Variants in SNED1 observed in about 807,000 individuals in gnomAD.
The protein encoded by SNED1 is sushi, nidogen and EGF like domains 1, also known as sushi, nidogen and EGF-like domain-containing protein 1.
In SNED1, 81 loss-of-function variants were observed where a neutral mutation model predicts 166.7. That is an observed-to-expected ratio of 0.49 (90% CI 0.41 to 0.58). The LOEUF (loss-of-function observed/expected upper bound fraction) is 0.58. Among genes scored for constraint, SNED1 ranks in the 20% least tolerant of loss-of-function variants. The probability of loss-of-function intolerance (pLI) is 0.00; values close to 1 mark genes in which losing one functional copy is unlikely to be tolerated. For synonymous variants in SNED1, 762 were observed against 822.0 expected (o/e 0.93, Z 1.25); for missense variants, 1,604 against 2,000.2 (o/e 0.80, Z 3.78).
chr2:240,998,265 G>A (rs370764501), upstream of SNED1, among the ~76,000 whole-genome samples: 4 of 152,260 alleles, frequency 2.6e-5, no homozygotes, highest in East Asian at 5.8e-4. Flanking sequence ...CACGGAACGG[G>A]TTCATTCAGG....
intron 29 of SNED1, among the ~76,000 whole-genome samples, chr2:241,084,444 G>A (rs2063483930): frequency 6.6e-6 from 1 of 152,080 alleles, no homozygotes; most frequent in Admixed American, 6.6e-5. Context: ...GTGAGTGACT[G>A]TGCCCGGCCA....
chr2:241,079,648 TAAAAAC>T (rs904055379), intron 27 of SNED1, among the ~76,000 whole-genome samples: 20 of 152,112 alleles, frequency 1.3e-4, no homozygotes, highest in Admixed American at 1.0e-3. Flanking sequence ...AAAAAGGTTT[TAAAAAC>T]AATAAAAAGA....
chr2:241,007,409 A>G (rs2060250693), intron 1 of SNED1, among the ~76,000 whole-genome samples: 1 of 152,134 alleles, frequency 6.6e-6, no homozygotes. Flanking sequence ...CCTTGATTGC[A>G]CCCTTGCTCT....
chr2:241,002,303 A>G (rs2060100217), intron 1 of SNED1, among the ~76,000 whole-genome samples: 1 of 152,084 alleles, frequency 6.6e-6, no homozygotes, highest in South Asian at 2.1e-4. Context: ...TGGATCTGGG[A>G]GCAGACATGT....
intron 1 of SNED1, among the ~76,000 whole-genome samples, chr2:241,012,737 CGTGT>C (rs1051383278): frequency 6.6e-6 from 1 of 152,034 alleles, no homozygotes; most frequent in African/African-American, 2.4e-5. Context: ...ACCCAGTTAC[CGTGT>C]GTGTGCACGT....
At chr2:241,047,689 AGGCCCCT>A (rs1251255824) in intron 8 of SNED1, among the ~76,000 whole-genome samples, 2 of 152,240 alleles carry the variant, frequency 1.3e-5, no homozygotes, top group Non-Finnish European at 2.9e-5. Flanking sequence ...AAACGTTTGG[AGGCCCCT>A]GGCCCCTGGG....
At position 241,051,892 on chromosome 2, in the gene SNED1, G is replaced by A; in HGVS notation, c.1852+32G>A. The A allele has an allele frequency of 6.6e-7, 1 of 1,512,366 alleles. No homozygotes were observed. The highest frequency in any genetic ancestry group is 8.9e-7 in the Non-Finnish European group (1 of 1,122,548). 93.7% of individuals were successfully genotyped at this position (1,512,366 alleles called of 1,614,324 possible). A position where few individuals can be genotyped will look rare whatever the true frequency, so the allele number is the denominator to read the frequency against. ...CCCCCAGGGGCAGGGGGGAGGGCAG[G>A]AACGACGGGCCAGCCCTGAGCTGGG... On this transcript the variant is annotated intron_variant, in intron 13 of 31. Coordinates refer to ENST00000310397, the MANE Select transcript of SNED1 (RefSeq NM_001080437.3). This position sits in a 1 kb window ranked among gnomAD's most constrained non-coding sequence, Gnocchi z 4.7.
chr2:241,088,423 C>T (rs758780251), intron 31 of SNED1, 21 bp downstream of exon 31: 2 of 1,600,758 alleles, frequency 1.2e-6, no homozygotes, highest in South Asian at 1.1e-5. Context: ...GCTGCTCCCG[C>T]CCCACTACCA....
chr2:241,014,499 C>T (rs2060516332), intron 1 of SNED1, among the ~76,000 whole-genome samples: 1 of 152,144 alleles, frequency 6.6e-6, no homozygotes, highest in South Asian at 2.1e-4. Flanking sequence ...CCATGGTCTC[C>T]TTTTCTTTTC....
chr2:241,000,045 C>G (rs2060031454), intron 1 of SNED1, among the ~76,000 whole-genome samples: 1 of 152,116 alleles, frequency 6.6e-6, no homozygotes, highest in Non-Finnish European at 1.5e-5. Context: ...TCTGTGCTGC[C>G]CGGAGTAACA....
In SNED1 at chr2:241,062,909, G is replaced by A; in HGVS notation, c.2371+5G>A. 6.4e-7 allele frequency: 1 copy of A among 1,574,598 alleles called. No individual in the cohort carries two copies. The highest frequency in any genetic ancestry group is 8.6e-7 in the Non-Finnish European group (1 of 1,157,076). ...AGGGCGCCCACTGTGAGCTGGGTAA[G>A]AGGGGCCCTGGCCCCGCTGGGGTGA... On this transcript the variant is annotated splice_donor_5th_base_variant and intron_variant, in intron 17 of 31. Coordinates refer to ENST00000310397, the MANE Select transcript of SNED1 (RefSeq NM_001080437.3).
At chr2:241,021,650 G>C (rs539556098) in intron 1 of SNED1, among the ~76,000 whole-genome samples, 27 of 152,208 alleles carry the variant, frequency 1.8e-4, no homozygotes, top group African/African-American at 6.5e-4. Context: ...TATTTTATTT[G>C]TTTTTATGTA....
chr2:241,060,600 C>T (rs1442912466), intron 16 of SNED1, among the ~76,000 whole-genome samples: 2 of 151,948 alleles, frequency 1.3e-5, no homozygotes, highest in East Asian at 1.9e-4. Flanking sequence ...ATTTTTCATA[C>T]ACTGGAATTA....
In SNED1 at chr2:241,093,847, A is replaced by G. The variant is rs191231247; in HGVS notation, c.*2211A>G. 1 of 152,592 alleles carries G rather than the reference A, an allele frequency of 6.6e-6. No individual in the cohort carries two copies. Among genetic ancestry groups the G allele is most frequent in the East Asian group, 1.9e-4 (1 of 5,190 alleles). The allele number at this position is 152,592 out of a possible 1,614,324, so 9.5% of individuals were successfully genotyped here. ...CCTTGAAAATACTCAAAGTCCACCCAAGGAAATTAGTAATAATAGAATCAG... is the reference window on the plus strand; with the variant it reads ...CCTTGAAAATACTCAAAGTCCACCCGAGGAAATTAGTAATAATAGAATCAG... On this transcript the variant is annotated 3_prime_UTR_variant, in exon 32 of 32. Coordinates refer to ENST00000310397, the MANE Select transcript of SNED1 (RefSeq NM_001080437.3).
chr2:241,057,518 A>T (rs936181409), intron 16 of SNED1, among the ~76,000 whole-genome samples: 8 of 150,888 alleles, frequency 5.3e-5, no homozygotes, highest in African/African-American at 2.0e-4. Context: ...CCCCAACTCT[A>T]CAAAAAACTT....
At chr2:241,037,122 C>A in intron 5 of SNED1, 118 bp from the exon 6 acceptor site, 1 of 1,043,092 alleles carries the variant, frequency 9.6e-7, no homozygotes. Context: ...CAGTTGCTGC[C>A]CTCTCTGAGC....
At position 240,998,972 on chromosome 2, in the gene SNED1, G is replaced by T; in HGVS notation, c.135G>T (p.Lys45Asn). Reference protein sequence around the residue: ...GAERGDAVTPKQDDGGSGLRP... With the variant: ...GAERGDAVTPNQDDGGSGLRP... Reference sequence around the variant, plus strand: ...AGCGCGGCGACGCCGTCACCCCCAAGCAGGACGACGGCGGCTCGGGGCTGC... The same window carrying T: ...AGCGCGGCGACGCCGTCACCCCCAATCAGGACGACGGCGGCTCGGGGCTGC... The change falls in exon 1 of 32, where the codon AAG becomes AAT. Residue 45 changes from lysine (K) to asparagine (N), a missense_variant. This residue lies in a region of SNED1 where 1,237 missense variants were observed against 1,620.8 expected (regional missense o/e 0.76). Transcript: ENST00000310397. 7.5e-7 allele frequency: 1 copy of T among 1,325,182 alleles called. No individual in the cohort carries two copies. The highest frequency in any genetic ancestry group is 9.7e-7 in the Non-Finnish European group (1 of 1,034,676). The allele number at this position is 1,325,182 out of a possible 1,614,324, so 82.1% of individuals were successfully genotyped here.
In SNED1 at chr2:241,034,709, G is replaced by T. The variant is rs770242741; in HGVS notation, c.784G>T (p.Val262Leu). The T allele has an allele frequency of 1.3e-6, 2 of 1,580,574 alleles. No homozygotes were observed. Among genetic ancestry groups the T allele is most frequent in the Non-Finnish European group, 1.7e-6 (2 of 1,163,962 alleles). Residue 262 changes from valine (V) to leucine (L), a missense_variant, in exon 4 of 32, where the codon GTG (valine) becomes TTG (leucine). Coordinates refer to ENST00000310397, the MANE Select transcript of SNED1 (RefSeq NM_001080437.3). Reference sequence around the variant, plus strand: ...CAGAATCGATGATGCCCAGGTGCGCGTGGGGGGCTGCGGCCATACAAGTAA... The same window carrying T: ...CAGAATCGATGATGCCCAGGTGCGCTTGGGGGGCTGCGGCCATACAAGTAA... Reference protein sequence around the residue: ...AFRIDDAQVRVGGCGHTTSVC... With the variant: ...AFRIDDAQVRLGGCGHTTSVC...
rs1332352717 is a variant in SNED1, at chr2:241,071,656, C to A, written c.3670C>A (p.Arg1224Ser). The change falls in exon 25 of 32, where the codon CGC (arginine) becomes AGC (serine). Residue 1224 changes from arginine to serine, a missense_variant. Physicochemically the swap from Arg to Ser is moderately radical, Grantham distance 110 (BLOSUM62 -1). Coordinates refer to ENST00000310397, the MANE Select transcript of SNED1 (RefSeq NM_001080437.3). The part of the protein sequence containing the change: ...RVLKNRPPPA[R>S]LPELRLLNDH... The stretch of plus-strand genomic sequence containing the variant: ...GCTCAAGAACAGACCGCCCCCGGCG[C>A]GCCTGCCGGAGCTGCGCCTGCTCAA... 1 of 1,568,620 alleles carries A rather than the reference C, an allele frequency of 6.4e-7. No homozygotes were observed. Among genetic ancestry groups the A allele is most frequent in the South Asian group, 1.2e-5 (1 of 86,070 alleles).
Sources: gnomAD v4.1 joint callset for allele counts (sites outside exome capture counted in the v4.1 genomes callset) on GRCh38, gnomAD v4.1.1 for gene constraint, gnomAD v4.1.1 regional missense constraint, Gnocchi (gnomAD v3.1) non-coding constraint, MANE v1.5 for transcripts, NCBI Gene and HGNC (gene_info 2026-07-23, HGNC 2026-07-21) for gene names.